The following SLC12A4 variants were observed in gnomAD, a reference collection of about 807,000 sequenced individuals.
The protein encoded by SLC12A4 is electroneutral potassium-chloride cotransporter 1.
SLC12A4 carries 84 observed loss-of-function variants against 119.2 expected under a neutral mutation model. That is an observed-to-expected ratio of 0.70 (90% confidence interval 0.59 to 0.85). The LOEUF is 0.85. Ranked by LOEUF, SLC12A4 falls within the 40% of genes least tolerant of loss-of-function variation. The probability of loss-of-function intolerance (pLI) is 0.00; values close to 1 mark genes in which losing one functional copy is unlikely to be tolerated. For missense variants in SLC12A4, 1,298 were observed against 1,476.3 expected (o/e 0.88, Z 1.98); for synonymous variants, 599 against 604.6 (o/e 0.99, Z 0.14).
At position 67,949,364 on chromosome 16, in the gene SLC12A4, T is replaced by A. The variant is rs189477004; in HGVS notation, c.1748+436A>T. 7.7e-3 allele frequency among the ~76,000 whole-genome samples: 1,170 copies of A among 151,840 alleles called. 6 individuals are homozygous for A. Among genetic ancestry groups the A allele is most frequent in the Non-Finnish European group, 0.012 (799 of 67,908 alleles). On this transcript the variant is annotated intron_variant, in intron 13 of 23. Transcript: ENST00000316341. This position sits in a 1 kb window ranked among gnomAD's most constrained non-coding sequence, Gnocchi z 4.6. ...TACTCAGGAGGCTGAGGCAGGAGAA[T>A]TGCTTGAACCCAGGAGGCGGAGATT... is the stretch of plus-strand genomic sequence containing the variant.
chr16:67,963,836 T>TGAGGGACGGGGCCTGCA (rs2030716352), intron 1 of SLC12A4: 3 of 1,478,774 alleles, frequency 2.0e-6, no homozygotes, highest in Non-Finnish European at 1.8e-6. Flanking sequence ...GTATGGACAC[T>TGAGGGACGGGGCCTGCA]GAGGGACGGG....
At chr16:67,946,129 A>G in intron 19 of SLC12A4, 42 bp downstream of exon 19, 1 of 1,612,784 alleles carries the variant, frequency 6.2e-7, no homozygotes, top group Non-Finnish European at 8.5e-7. Context: ...CTGCTCCTCC[A>G]AGGGCCTAGC....
Position 67,968,514 on chromosome 16 carries a change from G to A in SLC12A4, c.40C>T (p.Arg14Cys), listed in dbSNP as rs753371789. ...CCCTCGAGGTTGTCATAGTCGCCGC[G>A]CCTCGGCCCGTCCACTGGCACCACG... ...FTVVPVDGPR[R>C]GDYDNLEGLS... Residue 14 changes from arginine (R) to cysteine (C), a missense_variant, in exon 1 of 24, where the codon CGC (arginine) becomes TGC (cysteine). Transcript: ENST00000316341. The A allele has an allele frequency of 1.3e-6, 2 of 1,582,724 alleles. No individual in the cohort carries two copies. Among genetic ancestry groups the A allele is most frequent in the East Asian group, 2.4e-5 (1 of 41,884 alleles).
intron 3 of SLC12A4, 69 bp from the exon 4 acceptor site, chr16:67,958,113 TCACTC>T: frequency 6.5e-7 from 1 of 1,546,532 alleles, no homozygotes; most frequent in Non-Finnish European, 8.8e-7. Flanking sequence ...TCAGCCCTAG[TCACTC>T]AGCAGGCCCC....
chr16:67,954,668 A>T lies in SLC12A4; in HGVS notation c.650T>A (p.Ile217Asn). Reference sequence around the variant, plus strand: ...CAGCAAGATCTCGATGGCCCCCAGGATGTACATGGCTGCTGCGAATGTTGT... The same window carrying T: ...CAGCAAGATCTCGATGGCCCCCAGGTTGTACATGGCTGCTGCGAATGTTGT... ...LGTTFAAAMY[I>N]LGAIEILLTY... The change falls in exon 6 of 24, where the codon ATC (isoleucine) becomes AAC (asparagine). Residue 217 changes from isoleucine to asparagine, a missense_variant. By Grantham distance (149) the Ile-to-Asn change is moderately radical. Transcript: ENST00000316341. 6.2e-7 allele frequency: 1 copy of T among 1,614,170 alleles called. No homozygotes were observed. The highest frequency in any genetic ancestry group is 8.5e-7 in the Non-Finnish European group (1 of 1,180,024).
In SLC12A4 at chr16:67,948,104, G is replaced by A; in HGVS notation, c.1804C>T (p.Leu602=). 2 of 1,613,314 alleles carry A rather than the reference G, an allele frequency of 1.2e-6. No homozygotes were observed. Among genetic ancestry groups the A allele is most frequent in the East Asian group, 4.5e-5 (2 of 44,886 alleles). The change falls in exon 14 of 24, where the codon CTG becomes TTG. Residue 602 remains leucine, a synonymous_variant. Transcript: ENST00000316341. The stretch of plus-strand genomic sequence containing the variant: ...CGGGGCCGCCAGTTGGGGGTCCTCA[G>A]GAGTGTCTGCACCGCACAGGCGAGG... ...VNLACAVQTL[L]RTPNWRPRFK... is the part of the protein sequence containing the mutation.
rs955124329 is a variant in SLC12A4 at position 67,966,920 on chromosome 16, C to G, written c.115+1519G>C. On this transcript the variant is annotated intron_variant, in intron 1 of 23. Transcript: ENST00000316341. ...GGTCCCTCCAGTCACCCTGTAGGGG[C>G]CAAGGCGTGGCCAAGGTGGGGCCAG... 1.1e-5 allele frequency: 16 copies of G among 1,448,400 alleles called. No homozygotes were observed. The Admixed American group carries it at 1.2e-4, about 11-fold the overall frequency. 89.7% of individuals were successfully genotyped at this position (1,448,400 alleles called of 1,614,324 possible).
chr16:67,959,440 T>C (rs1230339554), intron 3 of SLC12A4, among the ~76,000 whole-genome samples: 3 of 152,212 alleles, frequency 2.0e-5, no homozygotes, highest in African/African-American at 7.2e-5. Context: ...TCCATGGCCA[T>C]GATCTTGTCT....
chr16:67,950,187 C>A lies in SLC12A4; in HGVS notation c.1629+132G>T. 2 of 1,105,384 alleles carry A rather than the reference C, an allele frequency of 1.8e-6. No individual in the cohort carries two copies. The highest frequency in any genetic ancestry group is 2.6e-6 in the Non-Finnish European group (2 of 782,484). The allele number at this position is 1,105,384 out of a possible 1,614,324, so 68.5% of individuals were successfully genotyped here. The stretch of plus-strand genomic sequence containing the variant: ...AGGCCCAGGGCACTTCTCAGTAGCT[C>A]CTCATGGATGGCCGCCTGGCCCCGG... On this transcript the variant is annotated intron_variant, in intron 12 of 23. Transcript: ENST00000316341. The surrounding 1 kb of genome is among the most constrained non-coding windows in gnomAD (Gnocchi z 4.3).
Position 67,947,173 on chromosome 16 carries a change from C to G in SLC12A4, c.2073-68G>C, listed in dbSNP as rs187864076. On this transcript the variant is annotated intron_variant, in intron 16 of 23. Coordinates refer to ENST00000316341, the MANE Select transcript of SLC12A4 (RefSeq NM_005072.5). ...GTTCTAGGGAGCCCCTCCTCTTCTTCCCTTCTCGGGTCGTGGTCCCTGCAG... is the reference window on the plus strand; with the variant it reads ...GTTCTAGGGAGCCCCTCCTCTTCTTGCCTTCTCGGGTCGTGGTCCCTGCAG... 44 of 1,529,556 alleles carry G rather than the reference C, an allele frequency of 2.9e-5. No homozygotes were observed. In the East Asian group the frequency reaches 1.0e-3, roughly 36 times the overall value. 94.7% of individuals were successfully genotyped at this position (1,529,556 alleles called of 1,614,324 possible).
chr16:67,966,925 G>C, intron 1 of SLC12A4: 1 of 1,438,744 alleles, frequency 7.0e-7, no homozygotes, highest in South Asian at 1.4e-5. Context: ...AGGGGCCAAG[G>C]CGTGGCCAAG....
In SLC12A4 at chr16:67,951,379, C is replaced by G. The variant is rs769389659; in HGVS notation, c.1133-75G>C. 3 of 1,527,100 alleles carry G rather than the reference C, an allele frequency of 2.0e-6. No homozygotes were observed. Among genetic ancestry groups the G allele is most frequent in the Admixed American group, 2.0e-5 (1 of 50,406 alleles). The allele number at this position is 1,527,100 out of a possible 1,614,324, so 94.6% of individuals were successfully genotyped here. A position where few individuals can be genotyped will look rare whatever the true frequency, so the allele number is the denominator to read the frequency against. ...TAGTTTGGGGCAGCCTAGCCAGAGG[C>G]GCAGATGCAGGGCAACTTTGGGGAC... On this transcript the variant is annotated intron_variant, in intron 8 of 23. Transcript: ENST00000316341. This position sits in a 1 kb window ranked among gnomAD's most constrained non-coding sequence, Gnocchi z 5.2.
At chr16:67,945,733 C>A (rs977903292) in intron 21 of SLC12A4, 31 bp downstream of exon 21, 3 of 1,595,682 alleles carry the variant, frequency 1.9e-6, no homozygotes, top group Non-Finnish European at 2.6e-6. Flanking sequence ...CCCTGCCACC[C>A]GCCCTGGCGT....
At position 67,963,579 on chromosome 16, in the gene SLC12A4, A is replaced by G; in HGVS notation, c.116-20T>C. 1.3e-6 allele frequency: 2 copies of G among 1,525,534 alleles called. No individual in the cohort carries two copies. The highest frequency in any genetic ancestry group is 1.2e-5 in the South Asian group (1 of 80,216). The allele number at this position is 1,525,534 out of a possible 1,614,324, so 94.5% of individuals were successfully genotyped here. ...CATGTCCTGTGAAGAGAGAGGGACAATCAGGGCCTGCTTCCTGAGCCCCCC... is the reference window on the plus strand; with the variant it reads ...CATGTCCTGTGAAGAGAGAGGGACAGTCAGGGCCTGCTTCCTGAGCCCCCC... On this transcript the variant is annotated intron_variant, in intron 1 of 23. Coordinates refer to ENST00000316341, the MANE Select transcript of SLC12A4 (RefSeq NM_005072.5).
rs765801429 is a variant in SLC12A4, at chr16:67,952,372, C to T, written c.729G>A (p.Thr243=). 23 of 1,614,110 alleles carry T rather than the reference C, an allele frequency of 1.4e-5. 1 individual carries two copies. The Admixed American group carries it at 1.8e-4, about 13-fold the overall frequency. ...AIFYPSGAHD[T]SNATLNNMRV... ...GCATATTGTTCAAAGTGGCATTCGA[C>T]GTGTCATGAGCACCCGATGGGTAAA... Residue 243 remains threonine (T), a synonymous_variant, in exon 7 of 24, where the codon ACG becomes ACA. Transcript: ENST00000316341.
intron 1 of SLC12A4, among the ~76,000 whole-genome samples, chr16:67,964,524 T>C (rs903766725): frequency 1.7e-4 from 26 of 151,988 alleles, no homozygotes; most frequent in African/African-American, 6.3e-4. Context: ...GTTTTCTAGG[T>C]GCTGAGTGTT....
chr16:67,961,364 G>A (rs1444142297), intron 3 of SLC12A4, among the ~76,000 whole-genome samples: 2 of 152,146 alleles, frequency 1.3e-5, no homozygotes, highest in African/African-American at 2.4e-5. Flanking sequence ...TTCCTGAGGG[G>A]CTCCCTGGCC....
intron 3 of SLC12A4, among the ~76,000 whole-genome samples, chr16:67,961,183 A>T (rs1036267600): frequency 2.0e-5 from 3 of 152,208 alleles, no homozygotes; most frequent in Non-Finnish European, 2.9e-5. Flanking sequence ...CAGTCACCTT[A>T]GACAAGTTCC....
rs2058353232 is a variant in SLC12A4, at chr16:67,946,585, C to G, written c.2290G>C (p.Val764Leu). ...EIEKVKGFCQ[V>L]VVASKVREGL... Reference sequence around the variant, plus strand: ...TCCCGCACCTTGCTGGCCACCACCACCTGGCAGAAGCCCTTCACCTTCTCA... The same window carrying G: ...TCCCGCACCTTGCTGGCCACCACCAGCTGGCAGAAGCCCTTCACCTTCTCA... The change falls in exon 18 of 24, where the codon GTG becomes CTG. Residue 764 changes from valine (V) to leucine (L), a missense_variant. By Grantham distance (32) the Val-to-Leu change is conservative. Coordinates refer to ENST00000316341, the MANE Select transcript of SLC12A4 (RefSeq NM_005072.5). The G allele has an allele frequency of 1.2e-6, 2 of 1,613,102 alleles. No homozygotes were observed. The highest frequency in any genetic ancestry group is 2.7e-5 in the African/African-American group (2 of 74,948).
Sources: gnomAD v4.1 joint callset for allele counts (sites outside exome capture counted in the v4.1 genomes callset) on GRCh38, gnomAD v4.1.1 for gene constraint, Gnocchi (gnomAD v3.1) non-coding constraint, MANE v1.5 for transcripts, NCBI Gene and HGNC (gene_info 2026-07-23, HGNC 2026-07-21) for gene names.